GREB1L: variants seen among roughly 807,000 people sequenced by gnomAD.
The protein encoded by GREB1L is GREB1-like protein.
In GREB1L, 17 loss-of-function variants were observed where a neutral mutation model predicts 200.8. The observed-to-expected ratio is 0.08, with a 90% confidence interval of 0.06 to 0.13. The LOEUF (loss-of-function observed/expected upper bound fraction) is 0.13, where lower values mean the gene tolerates loss of function less well. Among genes scored for constraint, GREB1L ranks in the 10% least tolerant of loss-of-function variants. GREB1L has a pLI of 1.00. For synonymous variants in GREB1L, 789 were observed against 893.0 expected (o/e 0.88, Z 2.08); for missense variants, 1,657 against 2,367.7 (o/e 0.70, Z 6.23).
intron 7 of GREB1L, among the ~76,000 whole-genome samples, chr18:21,426,936 G>C (rs1276011087): frequency 1.5e-5 from 2 of 132,008 alleles, no homozygotes; most frequent in African/African-American, 5.7e-5. Flanking sequence ...TCCAGCCTGG[G>C]CAACAGAGCG....
intron 18 of GREB1L, among the ~76,000 whole-genome samples, chr18:21,489,307 TACA>T (rs958817179): frequency 2.0e-5 from 3 of 152,170 alleles, no homozygotes; most frequent in Non-Finnish European, 4.4e-5. Flanking sequence ...GTGATGAGGC[TACA>T]ACACTAGGGG....
At chr18:21,324,770 A>AC (rs2038998222) in intron 1 of GREB1L, among the ~76,000 whole-genome samples, 1 of 152,230 alleles carries the variant, frequency 6.6e-6, no homozygotes. Flanking sequence ...AGATCGTGCC[A>AC]CTGCACTCCA....
chr18:21,485,593 G>A (rs2036096998), intron 17 of GREB1L, 27 bp from the exon 18 acceptor site: 2 of 1,546,954 alleles, frequency 1.3e-6, no homozygotes, highest in African/African-American at 1.4e-5. Flanking sequence ...TGTCCTCATT[G>A]GGTTTTTGCT....
chr18:21,456,938 A>C (rs1158862879), intron 15 of GREB1L, among the ~76,000 whole-genome samples: 2 of 152,098 alleles, frequency 1.3e-5, no homozygotes, highest in Non-Finnish European at 2.9e-5. Flanking sequence ...TTGTCTTTTA[A>C]GTATTTTACT....
At chr18:21,247,076 C>T (rs1024560304) in intron 1 of GREB1L, among the ~76,000 whole-genome samples, 2 of 152,190 alleles carry the variant, frequency 1.3e-5, no homozygotes, top group Non-Finnish European at 2.9e-5. Flanking sequence ...ATAACAGCAG[C>T]TCTTTGTGCT....
intron 1 of GREB1L, among the ~76,000 whole-genome samples, chr18:21,336,071 T>C (rs1473999648): frequency 1.3e-5 from 2 of 152,226 alleles, no homozygotes; most frequent in Non-Finnish European, 2.9e-5. Context: ...TGGTCTCCTC[T>C]GTTAGTGGCA....
At chr18:21,462,536 G>A (rs752396142) in intron 15 of GREB1L, among the ~76,000 whole-genome samples, 14 of 152,094 alleles carry the variant, frequency 9.2e-5, no homozygotes, top group Admixed American at 2.0e-4. Flanking sequence ...TGTGACCTCC[G>A]CTTCCCAGGT....
intron 1 of GREB1L, among the ~76,000 whole-genome samples, chr18:21,267,774 A>G (rs958055753): frequency 6.6e-6 from 1 of 151,066 alleles, no homozygotes; most frequent in African/African-American, 2.4e-5. Context: ...GAAGTGACAG[A>G]GAGTTGAGAT....
At chr18:21,270,396 G>A (rs536139881) in intron 1 of GREB1L, among the ~76,000 whole-genome samples, 1 of 152,278 alleles carries the variant, frequency 6.6e-6, no homozygotes, top group East Asian at 1.9e-4. Context: ...TGGGGAAGGT[G>A]GATGGAGTGG....
At position 21,449,515 on chromosome 18, in the gene GREB1L, G is replaced by C; in HGVS notation, c.1399G>C (p.Asp467His). Residue 467 changes from aspartate (D) to histidine (H), a missense_variant, in exon 12 of 33, where the codon GAT becomes CAT. This residue lies in a region of GREB1L where 289 missense variants were observed against 345.1 expected (regional missense o/e 0.84). Transcript: ENST00000424526. ...TGTAATTCTCTTCTATATAGGTCCT[G>C]ATCAGGTACCTCTCAGGGAAGAATT... ...TIQYLVRLGP[D>H]QVPLREEFEQ... 6.5e-7 allele frequency: 1 copy of C among 1,534,924 alleles called. No homozygotes were observed. The highest frequency in any genetic ancestry group is 2.4e-5 in the East Asian group (1 of 40,832).
At position 21,440,319 on chromosome 18, in the gene GREB1L, C is replaced by G; in HGVS notation, c.1000C>G (p.Pro334Ala). The change falls in exon 9 of 33, where the codon CCT becomes GCT. Residue 334 changes from proline to alanine, a missense_variant. Pro to Ala is a conservative substitution (Grantham distance 27). Transcript: ENST00000424526. ...AAAGAAACGACACCGGGGATGGTAT[C>G]CTGGGTCACCTCTCCCCCAACCTGG... The part of the protein sequence containing the change: ...PPKKRHRGWY[P>A]GSPLPQPGLV... 6.4e-7 allele frequency: 1 copy of G among 1,551,460 alleles called. No individual in the cohort carries two copies. Among genetic ancestry groups the G allele is most frequent in the Non-Finnish European group, 8.7e-7 (1 of 1,146,692 alleles).
At chr18:21,368,954 A>G (rs1047222312) in intron 2 of GREB1L, among the ~76,000 whole-genome samples, 25 of 152,334 alleles carry the variant, frequency 1.6e-4, no homozygotes, top group Admixed American at 1.2e-3. Flanking sequence ...CCAACTTTGC[A>G]AACAACTTTT....
chr18:21,342,539 C>G (rs2039284468), intron 1 of GREB1L, among the ~76,000 whole-genome samples: 1 of 152,192 alleles, frequency 6.6e-6, no homozygotes, highest in Non-Finnish European at 1.5e-5. Context: ...AATGCAGGCT[C>G]TAGCAATGGC....
At chr18:21,415,370 G>A (rs1273506151) in intron 7 of GREB1L, among the ~76,000 whole-genome samples, 1 of 152,104 alleles carries the variant, frequency 6.6e-6, no homozygotes, top group East Asian at 1.9e-4. Flanking sequence ...AAAGAAATTA[G>A]TTAGGCATGA....
intron 8 of GREB1L, among the ~76,000 whole-genome samples, 189 bp from the exon 9 acceptor site, chr18:21,440,080 G>A (rs1328000221): frequency 2.0e-4 from 31 of 152,126 alleles, no homozygotes; most frequent in Admixed American, 1.9e-3. Context: ...TTAAGTGGCT[G>A]TTATTGTAAT....
chr18:21,370,577 G>A lies in GREB1L; in HGVS notation c.-10+4441G>A, dbSNP rs370165218. Reference sequence around the variant, plus strand: ...TTGTTATACAAAGAGTTTTATCACTGTAAGGGACAGTCATAATCTATCCTA... The same window carrying A: ...TTGTTATACAAAGAGTTTTATCACTATAAGGGACAGTCATAATCTATCCTA... On this transcript the variant is annotated intron_variant, in intron 2 of 32. Coordinates refer to ENST00000424526, the MANE Select transcript of GREB1L (RefSeq NM_001142966.3). Among the ~76,000 whole-genome samples the A allele has an allele frequency of 4.0e-4, 61 of 152,306 alleles. 1 individual carries two copies. The highest frequency in any genetic ancestry group is 1.4e-3 in the African/African-American group (59 of 41,566).
In GREB1L at chr18:21,396,040, CT is replaced by C. The variant is rs1169992647; in HGVS notation, c.532+491del. ...TCTTAAACATTTATTTATTTTCTTT[CT>C]TTTTTTTTTTTCTTTTTTTTGAGAC... On this transcript the variant is annotated intron_variant, in intron 5 of 32. Transcript: ENST00000424526. 2.0e-3 allele frequency among the ~76,000 whole-genome samples: 285 copies of C among 139,604 alleles called. 4 individuals are homozygous for C. Among genetic ancestry groups the C allele is most frequent in the Admixed American group, 3.6e-3 (50 of 13,908 alleles). 91.6% of individuals were successfully genotyped at this position (139,604 alleles called of 152,430 possible).
chr18:21,332,659 G>T (rs938465567), intron 1 of GREB1L, among the ~76,000 whole-genome samples: 1 of 152,018 alleles, frequency 6.6e-6, no homozygotes, highest in African/African-American at 2.4e-5. Flanking sequence ...ATTTTTAGTA[G>T]AGGTGGGTTT....
At chr18:21,427,610 CTATTATA>C (rs1400135365) in intron 7 of GREB1L, among the ~76,000 whole-genome samples, 1 of 152,142 alleles carries the variant, frequency 6.6e-6, no homozygotes, top group Non-Finnish European at 1.5e-5. Context: ...ATTTCTGATG[CTATTATA>C]AAATGGAAGT....
Sources: gnomAD v4.1 joint callset for allele counts (sites outside exome capture counted in the v4.1 genomes callset) on GRCh38, gnomAD v4.1.1 for gene constraint, gnomAD v4.1.1 regional missense constraint, MANE v1.5 for transcripts, NCBI Gene and HGNC (gene_info 2026-07-23, HGNC 2026-07-21) for gene names.